Variants in SLC38A6 observed in about 807,000 individuals in gnomAD.
SLC38A6 encodes the protein N system amino acid transporter NAT-1.
In SLC38A6, 73 loss-of-function variants were observed where a neutral mutation model predicts 65.0. The ratio of observed to expected loss-of-function variants is 1.12; its 90% CI spans 0.93 to 1.37. The LOEUF (loss-of-function observed/expected upper bound fraction) is 1.37, where lower values mean the gene tolerates loss of function less well. SLC38A6 is among the 40% of genes most tolerant of loss of function. SLC38A6 has a pLI of 0.00. For synonymous variants in SLC38A6, 183 were observed against 178.8 expected (o/e 1.02, Z -0.19); for missense variants, 561 against 531.1 (o/e 1.06, Z -0.55).
chr14:61,081,299 A>C (rs941915714), intron 16 of SLC38A6, among the ~76,000 whole-genome samples: 1 of 152,242 alleles, frequency 6.6e-6, no homozygotes, highest in Non-Finnish European at 1.5e-5. Flanking sequence ...GACCACAGGA[A>C]TTATTCTACT....
intron 6 of SLC38A6, chr14:61,034,345 C>G (rs1318775120): frequency 1.3e-5 from 2 of 151,928 alleles, no homozygotes; most frequent in African/African-American, 4.8e-5. Flanking sequence ...GTGAAATTGG[C>G]TTATAATAAT....
intron 3 of SLC38A6, among the ~76,000 whole-genome samples, chr14:60,994,084 G>T (rs2038098324): frequency 2.0e-5 from 3 of 152,034 alleles, no homozygotes; most frequent in Non-Finnish European, 4.4e-5. Context: ...AGTGCTCCTT[G>T]GTATTTACCC....
At chr14:61,023,103 C>A (rs574453118) in intron 5 of SLC38A6, among the ~76,000 whole-genome samples, 1 of 152,074 alleles carries the variant, frequency 6.6e-6, no homozygotes, top group African/African-American at 2.4e-5. Flanking sequence ...TTTTAAAGTT[C>A]TGCTTAAAAG....
chr14:61,006,313 C>T (rs532699663), intron 3 of SLC38A6, among the ~76,000 whole-genome samples: 9 of 152,228 alleles, frequency 5.9e-5, no homozygotes, highest in African/African-American at 2.2e-4. Flanking sequence ...GCAACAAAAG[C>T]CAAAATTGAC....
At chr14:61,035,914 G>A (rs1457224219) in intron 6 of SLC38A6, among the ~76,000 whole-genome samples, 3 of 151,564 alleles carry the variant, frequency 2.0e-5, no homozygotes, top group Admixed American at 6.6e-5. Flanking sequence ...ATATCCTTCT[G>A]GCTTTATATG....
intron 15 of SLC38A6, among the ~76,000 whole-genome samples, chr14:61,059,488 T>G (rs1469372612): frequency 2.3e-4 from 1 of 4,282 alleles, no homozygotes; most frequent in East Asian, 6.0e-3. Flanking sequence ...TGCCGAGAGA[T>G]CCGCTGTTAG....
At chr14:60,991,765 T>C (rs1218636953) in intron 3 of SLC38A6, among the ~76,000 whole-genome samples, 1 of 152,184 alleles carries the variant, frequency 6.6e-6, no homozygotes, top group Admixed American at 6.6e-5. Flanking sequence ...ATCTACAGTG[T>C]CATCAAGGAA....
intron 15 of SLC38A6, among the ~76,000 whole-genome samples, chr14:61,074,516 ACTAATC>A (rs2043332018): frequency 6.6e-6 from 1 of 152,148 alleles, no homozygotes; most frequent in Admixed American, 6.5e-5. Context: ...CTATAAAGCC[ACTAATC>A]CCATTATGAG....
rs1274813981 is a variant in SLC38A6 at position 60,981,395 on chromosome 14, T to A, written c.105+13T>A. On this transcript the variant is annotated intron_variant, in intron 1 of 15. Transcript: ENST00000267488. ...GTTGCTAAGCAACGTAAGTGGGCTG[T>A]GTTCGCTTCCCCGCGCTGACGCCCT... The A allele has an allele frequency of 4.4e-6, 7 of 1,579,708 alleles. No homozygotes were observed. In the Admixed American group the frequency reaches 1.3e-4, roughly 29 times the overall value.
chr14:60,993,663 GC>G (rs2139727857), intron 3 of SLC38A6, among the ~76,000 whole-genome samples: 1 of 152,246 alleles, frequency 6.6e-6, no homozygotes, highest in East Asian at 1.9e-4. Flanking sequence ...ATAGTTGAGG[GC>G]CCTTCAAGAA....
intron 1 of SLC38A6, 109 bp downstream of exon 1, chr14:60,981,491 G>A (rs2037016452): frequency 6.5e-7 from 1 of 1,536,874 alleles, no homozygotes; most frequent in Non-Finnish European, 8.7e-7. Flanking sequence ...GGGAGATGCT[G>A]GAGCCTGAAC....
At chr14:61,040,655 A>T (rs926870416) in intron 8 of SLC38A6, among the ~76,000 whole-genome samples, 4 of 151,590 alleles carry the variant, frequency 2.6e-5, no homozygotes, top group Non-Finnish European at 4.4e-5. Context: ...ATTTTTTTTT[A>T]AATGTTGGTA....
intron 8 of SLC38A6, 51 bp downstream of exon 8, chr14:61,037,734 A>C (rs374926356): frequency 8.0e-5 from 97 of 1,215,756 alleles, no homozygotes; most frequent in Non-Finnish European, 1.0e-4. Context: ...AATTGGACTC[A>C]TTGTGTTAGT....
chr14:61,039,902 A>G (rs944959292), intron 8 of SLC38A6, among the ~76,000 whole-genome samples: 2 of 151,994 alleles, frequency 1.3e-5, no homozygotes, highest in African/African-American at 4.8e-5. Context: ...TAAAACCTAT[A>G]TTTTATCTGT....
chr14:61,004,998 T>G (rs916448447), intron 3 of SLC38A6, among the ~76,000 whole-genome samples: 1 of 152,082 alleles, frequency 6.6e-6, no homozygotes, highest in Non-Finnish European at 1.5e-5. Context: ...CATGATCAAG[T>G]GGGCTTCATC....
intron 3 of SLC38A6, among the ~76,000 whole-genome samples, chr14:60,986,502 A>C (rs930521005): frequency 6.6e-5 from 10 of 152,242 alleles, no homozygotes; most frequent in Non-Finnish European, 1.2e-4. Flanking sequence ...TTGGCCATCC[A>C]GTGCACGCCT....
rs181705429 is a variant in SLC38A6, at chr14:61,073,223, T to C, written c.1291-5587T>C. Among the ~76,000 whole-genome samples, 188 of 152,312 alleles carry C rather than the reference T, an allele frequency of 1.2e-3. 2 individuals carry two copies. The highest frequency in any genetic ancestry group is 4.4e-3 in the African/African-American group (183 of 41,562). On this transcript the variant is annotated intron_variant, in intron 15 of 16. Transcript: ENST00000354886. Reference sequence around the variant, plus strand: ...TCAAATATTTTGCCCATTTTTTGATTGGATTATTATATTTTTTCCAATGGA... The same window carrying C: ...TCAAATATTTTGCCCATTTTTTGATCGGATTATTATATTTTTTCCAATGGA...
At chr14:61,072,193 C>T (rs796499037) in intron 15 of SLC38A6, among the ~76,000 whole-genome samples, 2 of 152,062 alleles carry the variant, frequency 1.3e-5, no homozygotes, top group African/African-American at 2.4e-5. Context: ...AGAGAAAGCC[C>T]GCTTCCAAAG....
At chr14:61,046,992 A>G (rs2042189443) in intron 12 of SLC38A6, among the ~76,000 whole-genome samples, 1 of 152,194 alleles carries the variant, frequency 6.6e-6, no homozygotes, top group Non-Finnish European at 1.5e-5. Flanking sequence ...GTTAGTTTTT[A>G]TACAGACTTG....
Sources: gnomAD v4.1 joint callset for allele counts (sites outside exome capture counted in the v4.1 genomes callset) on GRCh38, gnomAD v4.1.1 for gene constraint, MANE v1.5 for transcripts, NCBI Gene and HGNC (gene_info 2026-07-23, HGNC 2026-07-21) for gene names.